Variants in MAGI1 observed in about 807,000 individuals in gnomAD.
MAGI1 encodes the protein membrane-associated guanylate kinase, WW and PDZ domain-containing protein 1.
In MAGI1, 58 loss-of-function variants were observed where a neutral mutation model predicts 139.9. The observed-to-expected ratio is 0.41, with a 90% CI of 0.34 to 0.52. The LOEUF (loss-of-function observed/expected upper bound fraction) is 0.52. MAGI1 is among the 20% of genes least tolerant of loss of function. The pLI, the probability that MAGI1 is intolerant of heterozygous loss-of-function variation, is 0.12. For missense variants in MAGI1, 1,874 were observed against 1,901.6 expected (o/e 0.99, Z 0.27); for synonymous variants, 812 against 737.9 (o/e 1.10, Z -1.63).
At chr3:65,857,283 T>A (rs2059405870) in intron 1 of MAGI1, among the ~76,000 whole-genome samples, 1 of 152,212 alleles carries the variant, frequency 6.6e-6, no homozygotes, top group Non-Finnish European at 1.5e-5. Context: ...CTGGTTCAGA[T>A]TTTATGAACC....
At chr3:65,576,385 C>A (rs2081178456) in intron 2 of MAGI1, among the ~76,000 whole-genome samples, 2 of 152,094 alleles carry the variant, frequency 1.3e-5, no homozygotes, top group African/African-American at 4.8e-5. Flanking sequence ...CTTGTCAATC[C>A]TACGTAGACA....
intron 12 of MAGI1, among the ~76,000 whole-genome samples, chr3:65,418,266 G>A (rs1376417582): frequency 6.6e-6 from 1 of 152,108 alleles, no homozygotes; most frequent in South Asian, 2.1e-4. Flanking sequence ...TCACTTGTTA[G>A]TCTTGCCTCC....
intron 12 of MAGI1, chr3:65,401,806 C>T: frequency 1.5e-6 from 2 of 1,321,588 alleles, no homozygotes; most frequent in East Asian, 3.5e-5. Flanking sequence ...TTAAGAGAGA[C>T]TTAACTTACA....
At chr3:65,487,675 A>G (rs925190489) in intron 3 of MAGI1, among the ~76,000 whole-genome samples, 3 of 152,192 alleles carry the variant, frequency 2.0e-5, no homozygotes, top group African/African-American at 4.8e-5. Context: ...GGTTCACTCT[A>G]TTTGTCTGCC....
At chr3:65,990,385 T>TTAC (rs1199864601) in intron 1 of MAGI1, among the ~76,000 whole-genome samples, 1 of 152,096 alleles carries the variant, frequency 6.6e-6, no homozygotes, top group Non-Finnish European at 1.5e-5. Flanking sequence ...AACGGAAGAT[T>TTAC]TACAAGTCTC....
chr3:65,883,647 C>T (rs2060421459), intron 1 of MAGI1, among the ~76,000 whole-genome samples: 1 of 152,176 alleles, frequency 6.6e-6, no homozygotes, highest in South Asian at 2.1e-4. Context: ...TTGCTTTAAA[C>T]ACTGGCATCA....
At chr3:65,384,237 A>G (rs1943269246) in intron 14 of MAGI1, among the ~76,000 whole-genome samples, 1 of 152,236 alleles carries the variant, frequency 6.6e-6, no homozygotes, top group African/African-American at 2.4e-5. Context: ...GTATTTCTGC[A>G]TACAGTCAGT....
At chr3:65,978,348 A>C (rs968368755) in intron 1 of MAGI1, among the ~76,000 whole-genome samples, 7 of 152,184 alleles carry the variant, frequency 4.6e-5, no homozygotes, top group Non-Finnish European at 1.0e-4. Context: ...ATCCACACTG[A>C]TAAGTAGGAA....
At chr3:65,779,613 G>A (rs1201960301) in intron 1 of MAGI1, among the ~76,000 whole-genome samples, 1 of 152,200 alleles carries the variant, frequency 6.6e-6, no homozygotes, top group East Asian at 1.9e-4. Flanking sequence ...GATAGCCTCT[G>A]CCCCTTCCCA....
intron 2 of MAGI1, among the ~76,000 whole-genome samples, chr3:65,611,381 A>G (rs2083097856): frequency 7.0e-6 from 1 of 143,402 alleles, no homozygotes; most frequent in East Asian, 2.1e-4. Context: ...ATACATATAT[A>G]CAGAACACTG....
chr3:65,467,637 C>G (rs1299486350), intron 5 of MAGI1, among the ~76,000 whole-genome samples: 2 of 152,168 alleles, frequency 1.3e-5, no homozygotes, highest in Admixed American at 1.3e-4. Flanking sequence ...TCTTGTAAGC[C>G]AGCCATAGTT....
At chr3:65,801,496 G>A (rs1276469042) in intron 1 of MAGI1, among the ~76,000 whole-genome samples, 2 of 152,158 alleles carry the variant, frequency 1.3e-5, no homozygotes, top group South Asian at 2.1e-4. Context: ...TCACTTAGCA[G>A]AAACAGCATT....
chr3:65,987,157 C>T (rs376736604), intron 1 of MAGI1, among the ~76,000 whole-genome samples: 7 of 152,106 alleles, frequency 4.6e-5, no homozygotes, highest in East Asian at 3.9e-4. Context: ...CGTGAGCTAC[C>T]GCGCCTGGCC....
chr3:65,595,881 C>G (rs1387925032), intron 2 of MAGI1, among the ~76,000 whole-genome samples: 1 of 152,162 alleles, frequency 6.6e-6, no homozygotes, highest in East Asian at 1.9e-4. Context: ...CCCTCTGCCC[C>G]ATCCCCTTTC....
chr3:66,038,046 C>A lies in MAGI1; in HGVS notation c.263G>T (p.Gly88Val). The change falls in exon 1 of 23, where the codon GGG (glycine) becomes GTG (valine). Residue 88 changes from glycine to valine, a missense_variant. Around this residue, in one of 5 missense-constraint regions of MAGI1, gnomAD observed 648 missense variants for 598.1 expected, o/e 1.08. Coordinates refer to ENST00000402939, the MANE Select transcript of MAGI1 (RefSeq NM_001033057.2). ...GGCCTCCTTGCAGCTGTCGATGACC[C>A]CCAGCACGTCATAGCGGGGCAAGCC... ...VSGLPRYDVL[G>V]VIDSCKEAVT... is the part of the protein sequence containing the mutation. The A allele has an allele frequency of 6.2e-7, 1 of 1,610,870 alleles. No homozygotes were observed. The highest frequency in any genetic ancestry group is 8.5e-7 in the Non-Finnish European group (1 of 1,178,468).
At chr3:65,427,031 T>C (rs1947093509) in intron 12 of MAGI1, among the ~76,000 whole-genome samples, 1 of 152,124 alleles carries the variant, frequency 6.6e-6, no homozygotes, top group African/African-American at 2.4e-5. Context: ...TCAAGGAGTA[T>C]AGTCAGGTGT....
chr3:65,756,020 C>T (rs114504992), intron 1 of MAGI1, among the ~76,000 whole-genome samples: 4,711 of 152,268 alleles, frequency 0.031, 97 homozygotes, highest in Non-Finnish European at 0.037. Context: ...ATAATTTCAA[C>T]TTTCACAATG....
intron 1 of MAGI1, among the ~76,000 whole-genome samples, chr3:65,624,364 A>G (rs923265637): frequency 6.6e-5 from 10 of 152,216 alleles, no homozygotes; most frequent in African/African-American, 2.4e-4. Flanking sequence ...AAAATTGGAA[A>G]CAACCCAAAT....
rs1416325538 is a variant in MAGI1 at position 65,430,013 on chromosome 3, C to T, written c.1674G>A (p.Leu558=). ...VDLELCRGYP[L]PFDPDDPNTS... is the part of the protein sequence containing the mutation. ...TATTGGGGTCATCTGGATCAAAAGGCAATGGATAACCTCGGCAGAGTTCAA... is the reference window on the plus strand; with the variant it reads ...TATTGGGGTCATCTGGATCAAAAGGTAATGGATAACCTCGGCAGAGTTCAA... Residue 558 remains leucine (L), a synonymous_variant, in exon 12 of 23, where the codon TTG becomes TTA. Coordinates refer to ENST00000402939, the MANE Select transcript of MAGI1 (RefSeq NM_001033057.2). 3.7e-6 allele frequency: 6 copies of T among 1,613,788 alleles called. No individual in the cohort carries two copies. The highest frequency in any genetic ancestry group is 1.7e-5 in the Admixed American group (1 of 59,936).
Sources: gnomAD v4.1 joint callset for allele counts (sites outside exome capture counted in the v4.1 genomes callset) on GRCh38, gnomAD v4.1.1 for gene constraint, gnomAD v4.1.1 regional missense constraint, MANE v1.5 for transcripts, NCBI Gene and HGNC (gene_info 2026-07-23, HGNC 2026-07-21) for gene names.